Variants in PLEKHG7 observed in about 807,000 individuals in gnomAD.
The protein encoded by PLEKHG7 is pleckstrin homology and RhoGEF domain containing G7, also known as pleckstrin homology domain-containing family G member 7.
PLEKHG7 carries 77 observed loss-of-function variants against 85.2 expected under a neutral mutation model. The ratio of observed to expected loss-of-function variants is 0.90; its 90% CI spans 0.75 to 1.09. PLEKHG7 has a LOEUF of 1.09. Ranked by LOEUF, PLEKHG7 falls within the 50% of genes least tolerant of loss-of-function variation. PLEKHG7 has a pLI of 0.00. For missense variants in PLEKHG7, 777 were observed against 804.3 expected (o/e 0.97, Z 0.41); for synonymous variants, 301 against 302.4 (o/e 1.00, Z 0.05).
chr12:92,717,133 A>G (rs1871511458), intron 3 of PLEKHG7, among the ~76,000 whole-genome samples: 1 of 152,236 alleles, frequency 6.6e-6, no homozygotes, highest in African/African-American at 2.4e-5. Context: ...CAGCCCTGAA[A>G]GAGAGAAGAG....
intron 14 of PLEKHG7, among the ~76,000 whole-genome samples, chr12:92,762,597 G>A (rs760364726): frequency 1.1e-4 from 16 of 152,110 alleles, no homozygotes; most frequent in Non-Finnish European, 1.6e-4. Context: ...TTCACAATCT[G>A]TTTCCTGAAT....
At position 92,756,340 on chromosome 12, in the gene PLEKHG7, T is replaced by C. The variant is rs115000052; in HGVS notation, c.1585T>C (p.Leu529=). 2 of 1,613,274 alleles carry C rather than the reference T, an allele frequency of 1.2e-6. No homozygotes were observed. Among genetic ancestry groups the C allele is most frequent in the South Asian group, 1.1e-5 (1 of 91,062 alleles). ...IFKEHMAENI[L]SPTSRHLLYE... The stretch of plus-strand genomic sequence containing the variant: ...TAAAGAACACATGGCAGAAAACATC[T>C]TGTCACCAACCAGCAGACACCTTCT... Residue 529 remains leucine (L), a synonymous_variant, in exon 13 of 17, where the codon TTG becomes CTG. Coordinates refer to ENST00000344636, the MANE Select transcript of PLEKHG7 (RefSeq NM_001377329.1).
intron 15 of PLEKHG7, among the ~76,000 whole-genome samples, chr12:92,768,549 G>A (rs1565799370): frequency 6.6e-6 from 1 of 152,178 alleles, no homozygotes; most frequent in South Asian, 2.1e-4. Context: ...TTGGTTGGAT[G>A]TGACTTCCCT....
intron 15 of PLEKHG7, among the ~76,000 whole-genome samples, chr12:92,765,325 T>TAAA (rs59974651): frequency 3.9e-5 from 5 of 128,924 alleles, no homozygotes; most frequent in African/African-American, 1.2e-4. Flanking sequence ...AGTCTCTTAT[T>TAAA]AAAAAAAAAA....
chr12:92,706,736 C>G lies in PLEKHG7; in HGVS notation c.105C>G (p.Leu35=). 1 of 1,614,092 alleles carries G rather than the reference C, an allele frequency of 6.2e-7. No homozygotes were observed. The highest frequency in any genetic ancestry group is 8.5e-7 in the Non-Finnish European group (1 of 1,180,028). Reference sequence around the variant, plus strand: ...TGCCAAAGAACCAGGGGAGTCTCCTCCAGTTTGACCGGCAAGCCCCAGGCC... The same window carrying G: ...TGCCAAAGAACCAGGGGAGTCTCCTGCAGTTTGACCGGCAAGCCCCAGGCC... ...RSLPKNQGSL[L]QFDRQAPGRI... The change falls in exon 2 of 17, where the codon CTC becomes CTG. Residue 35 remains leucine, a synonymous_variant. Coordinates refer to ENST00000344636, the MANE Select transcript of PLEKHG7 (RefSeq NM_001377329.1).
intron 10 of PLEKHG7, 41 bp downstream of exon 10, chr12:92,745,632 CT>C (rs1438342650): frequency 1.4e-6 from 2 of 1,391,142 alleles, no homozygotes; most frequent in Non-Finnish European, 2.0e-6. Context: ...TTTGCTGATG[CT>C]TTTTGGGTGT....
chr12:92,741,689 A>G (rs1872361683), intron 9 of PLEKHG7, 97 bp downstream of exon 9: 1 of 823,980 alleles, frequency 1.2e-6, no homozygotes, highest in African/African-American at 1.7e-5. Context: ...TCTCCCTGGG[A>G]AAGTTCTACC....
At chr12:92,716,243 T>C (rs2098095976) in intron 3 of PLEKHG7, among the ~76,000 whole-genome samples, 1 of 152,048 alleles carries the variant, frequency 6.6e-6, no homozygotes, top group African/African-American at 2.4e-5. Context: ...ATTACAGGTG[T>C]GCACCACCAC....
At chr12:92,739,979 CA>C (rs1174309189) in intron 7 of PLEKHG7, among the ~76,000 whole-genome samples, 2 of 152,148 alleles carry the variant, frequency 1.3e-5, no homozygotes, top group Admixed American at 1.3e-4. Context: ...CAGACCCCGT[CA>C]CAGATGAGGG....
chr12:92,703,647 C>G (rs1871148970), intron 1 of PLEKHG7, among the ~76,000 whole-genome samples: 1 of 152,230 alleles, frequency 6.6e-6, no homozygotes, highest in African/African-American at 2.4e-5. Context: ...AGAAACCAGA[C>G]CCATTTCTTC....
intron 5 of PLEKHG7, among the ~76,000 whole-genome samples, chr12:92,733,191 G>T (rs570141110): frequency 1.3e-5 from 2 of 152,166 alleles, no homozygotes; most frequent in East Asian, 3.9e-4. Context: ...TGGCCAAATG[G>T]ATTACTCTCC....
intron 14 of PLEKHG7, among the ~76,000 whole-genome samples, chr12:92,763,487 C>T (rs1873095177): frequency 6.6e-6 from 1 of 152,068 alleles, no homozygotes; most frequent in South Asian, 2.1e-4. Context: ...GGACATCAAC[C>T]ATTATTTATT....
intron 14 of PLEKHG7, among the ~76,000 whole-genome samples, chr12:92,762,301 C>T (rs1002375875): frequency 4.6e-5 from 7 of 152,120 alleles, no homozygotes; most frequent in African/African-American, 1.7e-4. Flanking sequence ...GATTTGAAAG[C>T]TCACATTATT....
intron 9 of PLEKHG7, among the ~76,000 whole-genome samples, chr12:92,743,257 G>A (rs1287948373): frequency 2.6e-5 from 4 of 152,106 alleles, no homozygotes; most frequent in South Asian, 2.1e-4. Flanking sequence ...GTTTCTGCCC[G>A]AAACAACACA....
intron 5 of PLEKHG7, among the ~76,000 whole-genome samples, chr12:92,733,928 G>C (rs550181377): frequency 6.6e-6 from 1 of 152,202 alleles, no homozygotes; most frequent in African/African-American, 2.4e-5. Context: ...GAGAAGATGG[G>C]ACTGACAAGT....
At chr12:92,718,042 G>A (rs1206202591) in intron 3 of PLEKHG7, among the ~76,000 whole-genome samples, 1 of 152,182 alleles carries the variant, frequency 6.6e-6, no homozygotes, top group Non-Finnish European at 1.5e-5. Context: ...CACATCAAAT[G>A]TAATGTATCT....
At chr12:92,747,192 CA>C (rs768151593) in intron 10 of PLEKHG7, among the ~76,000 whole-genome samples, 4 of 148,740 alleles carry the variant, frequency 2.7e-5, no homozygotes, top group Non-Finnish European at 6.0e-5. Flanking sequence ...AATCCCATTA[CA>C]AAGTGAGAAA....
At chr12:92,738,457 A>G (rs1043562274) in intron 7 of PLEKHG7, among the ~76,000 whole-genome samples, 1 of 152,220 alleles carries the variant, frequency 6.6e-6, no homozygotes, top group African/African-American at 2.4e-5. Flanking sequence ...TGACCTTAGA[A>G]AAGTCTAGTC....
In PLEKHG7 at chr12:92,771,724, G is replaced by A. The variant is rs374749305; in HGVS notation, c.*1529G>A. The A allele has an allele frequency of 2.0e-5, 3 of 152,116 alleles. No homozygotes were observed. Among genetic ancestry groups the A allele is most frequent in the East Asian group, 3.9e-4 (2 of 5,180 alleles). 9.4% of individuals were successfully genotyped at this position (152,116 alleles called of 1,614,324 possible). ...TTACATTAACAATCATCTTGCAAAT[G>A]TTTAGATATAAACTAACCTCGGAGG... On this transcript the variant is annotated 3_prime_UTR_variant, in exon 17 of 17. Transcript: ENST00000344636.
Sources: allele counts gnomAD v4.1 joint callset (sites outside exome capture counted in the v4.1 genomes callset), GRCh38; gene constraint gnomAD v4.1.1; transcripts MANE v1.5; gene names NCBI Gene and HGNC (gene_info 2026-07-23, HGNC 2026-07-21).